REV3L: variants seen among roughly 807,000 people sequenced by gnomAD.
The protein encoded by REV3L is DNA polymerase zeta catalytic subunit.
In REV3L, 69 loss-of-function variants were observed where a neutral mutation model predicts 299.4. The ratio of observed to expected loss-of-function variants is 0.23; its 90% CI spans 0.19 to 0.28. The LOEUF (loss-of-function observed/expected upper bound fraction) is 0.28. Among genes scored for constraint, REV3L ranks in the 10% least tolerant of loss-of-function variants. REV3L has a pLI of 1.00. For synonymous variants in REV3L, 1,238 were observed against 1,271.4 expected (o/e 0.97, Z 0.56); for missense variants, 3,128 against 3,693.8 (o/e 0.85, Z 3.97).
At chr6:111,405,430 A>T (rs1783522756) in intron 4 of REV3L, 40 bp downstream of exon 4, 1 of 1,515,102 alleles carries the variant, frequency 6.6e-7, no homozygotes, top group Non-Finnish European at 9.0e-7. Context: ...TCAAAACTTT[A>T]ATTTGACAAA....
At chr6:111,305,905 G>A (rs1479461166) in intron 31 of REV3L, among the ~76,000 whole-genome samples, 1 of 152,210 alleles carries the variant, frequency 6.6e-6, no homozygotes. Flanking sequence ...TTCAGTGGTT[G>A]TACTGACTAG....
chr6:111,303,162 T>TTAC, intron 31 of REV3L, among the ~76,000 whole-genome samples: 1 of 63,500 alleles, frequency 1.6e-5, no homozygotes, highest in African/African-American at 5.3e-5. Flanking sequence ...CTTTCTTTTC[T>TTAC]TTCTTTTTTT....
In REV3L at chr6:111,310,275, C is replaced by T. The variant is rs1772829525; in HGVS notation, c.8796-176G>A. On this transcript the variant is annotated intron_variant, in intron 29 of 31. Coordinates refer to ENST00000368802, the MANE Select transcript of REV3L (RefSeq NM_001372078.1). ...ATATATACATTTTGCTTAGTTGACA[C>T]CAAGTGTAGATATCCTACAAGAGTT... is the stretch of plus-strand genomic sequence containing the variant. 7 of 675,144 alleles carry T rather than the reference C, an allele frequency of 1.0e-5. No individual in the cohort carries two copies. In the Admixed American group the frequency reaches 1.6e-4, roughly 15 times the overall value. The allele number at this position is 675,144 out of a possible 1,614,324, so 41.8% of individuals were successfully genotyped here.
chr6:111,352,338 ATTTG>A (rs1318900320), intron 18 of REV3L, among the ~76,000 whole-genome samples: 13 of 152,220 alleles, frequency 8.5e-5, no homozygotes, highest in Admixed American at 6.5e-5. Flanking sequence ...TAGACTGTGT[ATTTG>A]TTTGATACAA....
chr6:111,422,597 C>CATATATATATATACATAT (rs1785537928), intron 1 of REV3L, among the ~76,000 whole-genome samples: 8 of 17,920 alleles, frequency 4.5e-4, no homozygotes, highest in African/African-American at 1.1e-3. Context: ...TATATATACA[C>CATATATATATATACATAT]ATATATATAT....
At chr6:111,370,538 TATG>T (rs1419645590) in intron 13 of REV3L, among the ~76,000 whole-genome samples, 26 of 152,332 alleles carry the variant, frequency 1.7e-4, no homozygotes, top group Admixed American at 1.6e-3. Flanking sequence ...AGGTATAAAA[TATG>T]ATATTAGTAT....
intron 29 of REV3L, chr6:111,310,363 T>C: frequency 3.8e-6 from 1 of 260,862 alleles, no homozygotes; most frequent in Non-Finnish European, 7.0e-6. Flanking sequence ...ATCAACTAGC[T>C]TAAGATGTAT....
At chr6:111,472,186 C>A in intron 1 of REV3L, 1 of 1,182,926 alleles carries the variant, frequency 8.5e-7, no homozygotes, top group Non-Finnish European at 1.1e-6. Context: ...TGAGAAACTG[C>A]GAGTATGCCA....
chr6:111,467,588 T>A (rs935784279), intron 1 of REV3L, among the ~76,000 whole-genome samples: 1 of 152,224 alleles, frequency 6.6e-6, no homozygotes, highest in African/African-American at 2.4e-5. Flanking sequence ...AAGAGTTGCA[T>A]CTGTACTGAA....
intron 1 of REV3L, among the ~76,000 whole-genome samples, chr6:111,446,464 G>A (rs1788849268): frequency 6.6e-6 from 1 of 152,134 alleles, no homozygotes; most frequent in African/African-American, 2.4e-5. Context: ...AGCGCTTTGG[G>A]AGGCCGAGGC....
intron 2 of REV3L, chr6:111,412,072 T>C (rs1784305380): frequency 1.0e-6 from 1 of 984,792 alleles, no homozygotes; most frequent in African/African-American, 1.7e-5. Context: ...ATTCAGCTGT[T>C]TATTATTATT....
At chr6:111,424,098 T>A (rs989447471) in intron 1 of REV3L, among the ~76,000 whole-genome samples, 2 of 152,124 alleles carry the variant, frequency 1.3e-5, no homozygotes, top group African/African-American at 2.4e-5. Flanking sequence ...TAGGCAAGAA[T>A]CCTGAGCCGA....
intron 18 of REV3L, 178 bp downstream of exon 18, chr6:111,356,836 A>C (rs1463992654): frequency 3.0e-6 from 1 of 332,810 alleles, no homozygotes; most frequent in Non-Finnish European, 5.5e-6. Flanking sequence ...TGTCTGATGA[A>C]AATAGTGATG....
At chr6:111,392,040 T>C (rs774317376) in intron 5 of REV3L, among the ~76,000 whole-genome samples, 7 of 152,222 alleles carry the variant, frequency 4.6e-5, no homozygotes, top group Admixed American at 1.3e-4. Context: ...TTAACACACA[T>C]TGAAGTATCA....
At chr6:111,389,959 G>C (rs1406009860) in intron 6 of REV3L, 127 bp downstream of exon 6, 13 of 577,806 alleles carry the variant, frequency 2.2e-5, no homozygotes, top group Non-Finnish European at 4.1e-5. Context: ...GGATGGTCTC[G>C]ATCTGACCTC....
At chr6:111,314,037 T>C (rs577677549) in intron 27 of REV3L, among the ~76,000 whole-genome samples, 2 of 152,352 alleles carry the variant, frequency 1.3e-5, no homozygotes, top group East Asian at 3.9e-4. Flanking sequence ...CTTTCCGTTA[T>C]GTTTACAACA....
rs150207283 is a variant in REV3L, at chr6:111,408,832, T to C, written c.404+2648A>G. ...CCAGAATAGCTAAGACGATAGGTGC[T>C]TGCCACAAGCCCAACTAATTTTTGT... On this transcript the variant is annotated intron_variant, in intron 3 of 31. Transcript: ENST00000368802. Among the ~76,000 whole-genome samples the C allele has an allele frequency of 2.0e-5, 3 of 152,212 alleles. 1 individual carries two copies. Among genetic ancestry groups the C allele is most frequent in the African/African-American group, 7.2e-5 (3 of 41,550 alleles).
At chr6:111,476,441 G>A (rs1011033780) in intron 1 of REV3L, among the ~76,000 whole-genome samples, 3 of 152,158 alleles carry the variant, frequency 2.0e-5, no homozygotes, top group Admixed American at 6.5e-5. Context: ...ACAGACATGA[G>A]CCACTGCATC....
At chr6:111,430,332 C>T in intron 1 of REV3L, 1 of 1,155,420 alleles carries the variant, frequency 8.7e-7, no homozygotes, top group African/African-American at 1.5e-5. Context: ...CTCCTGGCTA[C>T]TCCATGATCA....
Sources: allele counts gnomAD v4.1 joint callset (sites outside exome capture counted in the v4.1 genomes callset), GRCh38; gene constraint gnomAD v4.1.1; transcripts MANE v1.5; gene names NCBI Gene and HGNC (gene_info 2026-07-23, HGNC 2026-07-21).